Variants in MAX observed in about 807,000 individuals in gnomAD.
The protein encoded by MAX is protein max.
MAX carries 3 observed loss-of-function variants against 22.3 expected under a neutral mutation model. The ratio of observed to expected loss-of-function variants is 0.13; its 90% CI spans 0.06 to 0.35. MAX has a LOEUF of 0.35. Among genes scored for constraint, MAX ranks in the 10% least tolerant of loss-of-function variants. The pLI is 1.00. For missense variants in MAX, 119 were observed against 209.4 expected, an observed-to-expected ratio of 0.57 and a Z score of 2.66; for synonymous variants, 72 against 77.7, an observed-to-expected ratio of 0.93 and a Z score of 0.39.
chr14:65,102,191 A>C, intron 1 of MAX, 113 bp downstream of exon 1: 1 of 1,545,876 alleles, frequency 6.5e-7, no homozygotes, highest in Non-Finnish European at 8.8e-7. Context: ...CCCGAGGGGA[A>C]GGGGAAGGAG....
rs200547781 is a variant in MAX at position 65,101,553 on chromosome 14, T to C, written c.56A>G (p.Gln19Arg). 6.2e-7 allele frequency: 1 copy of C among 1,610,386 alleles called. No individual in the cohort carries two copies. Among genetic ancestry groups the C allele is most frequent in the Admixed American group, 1.7e-5 (1 of 59,842 alleles). ...GGAGAGTAGGAGACGTACCGCAGAT[T>C]GAAACCTCGGTTGCTCTTCCTGGAA... Reference protein sequence around the residue: ...VESDEEQPRFQSAADKRAHHN... With the variant: ...VESDEEQPRFRSAADKRAHHN... The change falls in exon 2 of 5, where the codon CAA (glutamine) becomes CGA (arginine). Residue 19 changes from glutamine to arginine, a missense_variant. Coordinates refer to ENST00000358664, the MANE Select transcript of MAX (RefSeq NM_002382.5).
intron 3 of MAX, among the ~76,000 whole-genome samples, chr14:65,042,162 A>G (rs912415778): frequency 1.3e-5 from 2 of 151,742 alleles, no homozygotes; most frequent in Non-Finnish European, 2.9e-5. Context: ...GTTTTGTGGG[A>G]GATAATTTTT....
In MAX at chr14:65,077,421, G is replaced by T. The variant is rs374067276; in HGVS notation, c.295+492C>A. ...GGAACAAAGAACTTGATCAGCTCTCGCTTTCCCCTGTGGTTGTAGGAAAAG... is the reference window on the plus strand; with the variant it reads ...GGAACAAAGAACTTGATCAGCTCTCTCTTTCCCCTGTGGTTGTAGGAAAAG... On this transcript the variant is annotated intron_variant, in intron 4 of 4. Coordinates refer to ENST00000358664, the MANE Select transcript of MAX (RefSeq NM_002382.5). The surrounding 1 kb of genome is among the most constrained non-coding windows in gnomAD (Gnocchi z 6.3). The T allele has an allele frequency of 3.7e-6, 6 of 1,609,706 alleles. No individual in the cohort carries two copies. The highest frequency in any genetic ancestry group is 4.3e-6 in the Non-Finnish European group (5 of 1,175,934).
Position 65,076,768 on chromosome 14 carries a change from G to T in MAX, c.296-105C>A. On this transcript the variant is annotated intron_variant, in intron 4 of 4. Transcript: ENST00000358664. This position sits in a 1 kb window ranked among gnomAD's most constrained non-coding sequence, Gnocchi z 6.6. Reference sequence around the variant, plus strand: ...TGTTCTTCCTAAGGGCTTGCTTGTTGGCCCCCGAGGCTCAAGATGCTCAGA... The same window carrying T: ...TGTTCTTCCTAAGGGCTTGCTTGTTTGCCCCCGAGGCTCAAGATGCTCAGA... 7.4e-7 allele frequency: 1 copy of T among 1,352,022 alleles called. No individual in the cohort carries two copies. Among genetic ancestry groups the T allele is most frequent in the South Asian group, 1.2e-5 (1 of 84,820 alleles). 83.8% of individuals were successfully genotyped at this position (1,352,022 alleles called of 1,614,324 possible). A position where few individuals can be genotyped will look rare whatever the true frequency, so the allele number is the denominator to read the frequency against.
intron 3 of MAX, among the ~76,000 whole-genome samples, chr14:65,055,326 C>A (rs1325063401): frequency 3.9e-5 from 6 of 152,180 alleles, no homozygotes; most frequent in Non-Finnish European, 8.8e-5. Context: ...CCAATGGAGA[C>A]TGTCCCCAGT....
intron 3 of MAX, among the ~76,000 whole-genome samples, chr14:65,020,508 C>T (rs1005344048): frequency 6.6e-6 from 1 of 152,174 alleles, no homozygotes; most frequent in Non-Finnish European, 1.5e-5. Flanking sequence ...TCACTGCAAC[C>T]TCCACCTCCT....
chr14:65,050,049 G>A (rs2062572390), intron 3 of MAX, among the ~76,000 whole-genome samples: 1 of 151,898 alleles, frequency 6.6e-6, no homozygotes, highest in South Asian at 2.1e-4. Context: ...CAAAACAGAG[G>A]AGCAAAAAGG....
rs2062112359 is a variant in MAX at position 65,032,822 on chromosome 14, G to T, written c.172-26538C>A. 4 of 752,630 alleles carry T rather than the reference G, an allele frequency of 5.3e-6. No individual in the cohort carries two copies. Among genetic ancestry groups the T allele is most frequent in the South Asian group, 2.9e-5 (1 of 34,684 alleles). 46.6% of individuals were successfully genotyped at this position (752,630 alleles called of 1,614,324 possible). On this transcript the variant is annotated intron_variant, in intron 3 of 3. Transcript: ENST00000341653. The surrounding 1 kb of genome is among the most constrained non-coding windows in gnomAD (Gnocchi z 5.0). ...CAAAAATCACAGGAGATCCATTAGG[G>T]TTATCTAATGATTTTTTTAAATACT...
chr14:65,071,302 C>T (rs1201110993), downstream of MAX, among the ~76,000 whole-genome samples: 1 of 152,064 alleles, frequency 6.6e-6, no homozygotes, highest in Admixed American at 6.6e-5. This position sits in a 1 kb window ranked among gnomAD's most constrained non-coding sequence, Gnocchi z 4.2. Flanking sequence ...ACACTATGCT[C>T]GGCTAATTTT....
Position 65,077,296 on chromosome 14 carries a change from AT to A in MAX, c.295+616del. On this transcript the variant is annotated intron_variant, in intron 4 of 4. Transcript: ENST00000358664. This position sits in a 1 kb window ranked among gnomAD's most constrained non-coding sequence, Gnocchi z 6.3. ...CCTGGAAGGTCAACCCATTTAATTT[AT>A]TTTATTTTATTTTATTTGAGGTTTT... is the stretch of plus-strand genomic sequence containing the variant. 1 of 1,306,312 alleles carries A rather than the reference AT, an allele frequency of 7.7e-7. No individual in the cohort carries two copies. The highest frequency in any genetic ancestry group is 1.1e-6 in the Non-Finnish European group (1 of 918,244). 80.9% of individuals were successfully genotyped at this position (1,306,312 alleles called of 1,614,324 possible).
chr14:65,063,439 G>T (rs986048715), intron 3 of MAX, among the ~76,000 whole-genome samples: 2 of 152,200 alleles, frequency 1.3e-5, no homozygotes, highest in African/African-American at 4.8e-5. Context: ...GCCCCAAAGG[G>T]TAGGTAAAGT....
intron 3 of MAX, among the ~76,000 whole-genome samples, chr14:65,064,322 A>G (rs2062909582): frequency 6.6e-6 from 1 of 152,180 alleles, no homozygotes; most frequent in Non-Finnish European, 1.5e-5. Context: ...GATTTAAGAC[A>G]CCATTGCAAC....
rs2062696113 is a variant in MAX at position 65,054,863 on chromosome 14, C to T, written c.171+38845G>A. Among the ~76,000 whole-genome samples, 1 of 152,214 alleles carries T rather than the reference C, an allele frequency of 6.6e-6. No individual in the cohort carries two copies. The highest frequency in any genetic ancestry group is 1.5e-5 in the Non-Finnish European group (1 of 68,036). On this transcript the variant is annotated intron_variant, in intron 3 of 3. Coordinates refer to the MAX transcript ENST00000341653. This position sits in a 1 kb window ranked among gnomAD's most constrained non-coding sequence, Gnocchi z 4.4. Reference sequence around the variant, plus strand: ...TGAGGATGTGACCACAGAGGAGACGCACCTCTGGGCAAGCTCAGGGTTCCA... The same window carrying T: ...TGAGGATGTGACCACAGAGGAGACGTACCTCTGGGCAAGCTCAGGGTTCCA...
rs2063417219 is a variant in MAX, at chr14:65,088,863, A to G, written c.171+4845T>C. 6.6e-6 allele frequency among the ~76,000 whole-genome samples: 1 copy of G among 151,536 alleles called. No homozygotes were observed. Among genetic ancestry groups the G allele is most frequent in the Non-Finnish European group, 1.5e-5 (1 of 67,534 alleles). On this transcript the variant is annotated intron_variant, in intron 3 of 4. Coordinates refer to ENST00000358664, the MANE Select transcript of MAX (RefSeq NM_002382.5). The surrounding 1 kb of genome is among the most constrained non-coding windows in gnomAD (Gnocchi z 5.2). ...TATAAATGTGTGTACATAAAAGTATAAATGCTATGAGAGCCTTTATCCTTA... is the reference window on the plus strand; with the variant it reads ...TATAAATGTGTGTACATAAAAGTATGAATGCTATGAGAGCCTTTATCCTTA...
At chr14:65,080,073 C>T (rs2063164619) in intron 3 of MAX, among the ~76,000 whole-genome samples, 1 of 152,184 alleles carries the variant, frequency 6.6e-6, no homozygotes, top group Admixed American at 6.5e-5. Flanking sequence ...CAAGCGTAAC[C>T]TGACTAGCAG....
chr14:65,054,725 C>A lies in MAX; in HGVS notation c.171+38983G>T, dbSNP rs768995398. On this transcript the variant is annotated intron_variant, in intron 3 of 3. Coordinates refer to the MAX transcript ENST00000341653. This position sits in a 1 kb window ranked among gnomAD's most constrained non-coding sequence, Gnocchi z 4.4. ...TGCAGGGCTTCACACCCCTTCTCCA[C>A]AGGGACCTCGCGGACAGAAGGCTTT... 3 of 1,570,972 alleles carry A rather than the reference C, an allele frequency of 1.9e-6. No individual in the cohort carries two copies. Among genetic ancestry groups the A allele is most frequent in the South Asian group, 1.2e-5 (1 of 86,394 alleles).
In MAX at chr14:65,075,699, C is replaced by T; in HGVS notation, c.*777G>A. Reference sequence around the variant, plus strand: ...TACAAAACCTCTATGCCACCCAAAACACCCTCCCTGTCCCAACCCCAAATG... The same window carrying T: ...TACAAAACCTCTATGCCACCCAAAATACCCTCCCTGTCCCAACCCCAAATG... On this transcript the variant is annotated 3_prime_UTR_variant, in exon 5 of 5. Transcript: ENST00000358664. The surrounding 1 kb of genome is among the most constrained non-coding windows in gnomAD (Gnocchi z 4.1). 1 of 1,066,498 alleles carries T rather than the reference C, an allele frequency of 9.4e-7. No individual in the cohort carries two copies. The allele number at this position is 1,066,498 out of a possible 1,614,324, so 66.1% of individuals were successfully genotyped here.
intron 3 of MAX, among the ~76,000 whole-genome samples, chr14:65,043,808 G>A (rs866149379): frequency 3.6e-3 from 432 of 118,848 alleles, no homozygotes; most frequent in African/African-American, 0.013. Flanking sequence ...CGGCCTGGGC[G>A]ACAGAGCGAG....
rs1405782164 is a variant in MAX at position 65,044,464 on chromosome 14, A to G, written c.172-38180T>C. 6.3e-7 allele frequency: 1 copy of G among 1,586,996 alleles called. No homozygotes were observed. The highest frequency in any genetic ancestry group is 8.5e-7 in the Non-Finnish European group (1 of 1,170,344). On this transcript the variant is annotated intron_variant, in intron 3 of 3. Transcript: ENST00000341653. This position sits in a 1 kb window ranked among gnomAD's most constrained non-coding sequence, Gnocchi z 5.5. ...CCAAGGTGAGCCTGGGGAGCTGTTC[A>G]CTTGGGGCTGGATGATTTCCCTCCA...
Sources: allele counts gnomAD v4.1 joint callset (sites outside exome capture counted in the v4.1 genomes callset), GRCh38; gene constraint gnomAD v4.1.1; non-coding constraint Gnocchi (gnomAD v3.1); transcripts MANE v1.5; gene names NCBI Gene and HGNC (gene_info 2026-07-23, HGNC 2026-07-21).